RIC8B: variants seen among roughly 807,000 people sequenced by gnomAD.
RIC8B encodes chaperone Ric-8B.
A neutral mutation model predicts 57.5 loss-of-function variants in RIC8B; 16 were observed. The observed-to-expected ratio is 0.28, with a 90% CI of 0.19 to 0.42. The LOEUF (loss-of-function observed/expected upper bound fraction) is 0.42, where lower values mean the gene tolerates loss of function less well. Ranked by LOEUF, RIC8B falls within the 10% of genes least tolerant of loss-of-function variation. The pLI is 1.00. For synonymous variants in RIC8B, 216 were observed against 250.8 expected (o/e 0.86, Z 1.31); for missense variants, 481 against 677.0 (o/e 0.71, Z 3.21).
chr12:106,870,722 C>A, intron 8 of RIC8B, 101 bp from the exon 9 acceptor site: 1 of 895,228 alleles, frequency 1.1e-6, no homozygotes, highest in Non-Finnish European at 1.6e-6. Context: ...AATTTTTTGG[C>A]TATTATACTC....
At position 106,842,627 on chromosome 12, in the gene RIC8B, G is replaced by C; in HGVS notation, c.875G>C (p.Cys292Ser). ...CTTTTAAGCAATGTTCCAGTCTCTT[G>C]TTTGGATGTTCTCATTTGTCCGTTA... is the stretch of plus-strand genomic sequence containing the variant. ...VNLLSNVPVSCLDVLICPLTH... is the reference protein window; with the variant it reads ...VNLLSNVPVSSLDVLICPLTH... Residue 292 changes from cysteine (C) to serine (S), a missense_variant, in exon 5 of 10, where the codon TGT (cysteine) becomes TCT (serine). By Grantham distance (112) the Cys-to-Ser change is moderately radical. Transcript: ENST00000392837. 6.2e-7 allele frequency: 1 copy of C among 1,611,610 alleles called. No individual in the cohort carries two copies. The highest frequency in any genetic ancestry group is 1.7e-5 in the Admixed American group (1 of 59,960).
chr12:106,807,942 G>C (rs537835633), intron 2 of RIC8B, among the ~76,000 whole-genome samples: 1 of 152,104 alleles, frequency 6.6e-6, no homozygotes, highest in South Asian at 2.1e-4. Context: ...AAAATTAGTG[G>C]GGTGTGGTGG....
At chr12:106,877,559 C>G (rs894481970) in intron 9 of RIC8B, among the ~76,000 whole-genome samples, 1 of 152,054 alleles carries the variant, frequency 6.6e-6, no homozygotes, top group African/African-American at 2.4e-5. Context: ...CAAAACAAAG[C>G]AAAGCTTTTT....
At chr12:106,880,883 T>C (rs1408240248) in intron 9 of RIC8B, among the ~76,000 whole-genome samples, 1 of 152,132 alleles carries the variant, frequency 6.6e-6, no homozygotes, top group Non-Finnish European at 1.5e-5. Flanking sequence ...TCCTGTGGAA[T>C]GTTAATCCTG....
chr12:106,826,943 G>A (rs150410671), intron 4 of RIC8B, among the ~76,000 whole-genome samples: 1,771 of 152,124 alleles, frequency 0.012, 16 homozygotes, highest in Middle Eastern at 0.048. Context: ...ATGTGGTGGC[G>A]CACGCCTGTA....
At position 106,888,565 on chromosome 12, in the gene RIC8B, G is replaced by A. The variant is rs1461787064; in HGVS notation, c.*2550G>A. 2 of 152,660 alleles carry A rather than the reference G, an allele frequency of 1.3e-5. No individual in the cohort carries two copies. The highest frequency in any genetic ancestry group is 2.4e-5 in the African/African-American group (1 of 41,446). 9.5% of individuals were successfully genotyped at this position (152,660 alleles called of 1,614,324 possible). ...CTGTGCCTCCTTAGGGCTCTGAAAT[G>A]CTGGGAACAGAGTGGTGTGAGGAGG... On this transcript the variant is annotated 3_prime_UTR_variant, in exon 10 of 10. Coordinates refer to ENST00000392837, the MANE Select transcript of RIC8B (RefSeq NM_001330145.2).
chr12:106,816,589 T>C (rs1226675919), intron 3 of RIC8B, among the ~76,000 whole-genome samples: 3 of 152,234 alleles, frequency 2.0e-5, no homozygotes, highest in Non-Finnish European at 4.4e-5. Context: ...TTGGGGTTTT[T>C]AAGTTCTCCA....
intron 9 of RIC8B, chr12:106,873,263 A>G (rs1212116588): frequency 1.2e-6 from 1 of 803,552 alleles, no homozygotes; most frequent in East Asian, 1.3e-4. Context: ...AGTTGAAGCA[A>G]AAGGCAACCT....
At chr12:106,803,254 A>G (rs1208550189) in intron 2 of RIC8B, among the ~76,000 whole-genome samples, 4 of 142,026 alleles carry the variant, frequency 2.8e-5, no homozygotes, top group South Asian at 2.3e-4. Flanking sequence ...TTTCTTTTCC[A>G]TAATACATGG....
At position 106,778,021 on chromosome 12, in the gene RIC8B, A is replaced by G. The variant is rs80016607; in HGVS notation, c.84+3192A>G. 6.6e-3 allele frequency among the ~76,000 whole-genome samples: 1,001 copies of G among 152,296 alleles called. 12 individuals carry two copies. Among genetic ancestry groups the G allele is most frequent in the African/African-American group, 0.023 (970 of 41,550 alleles). ...CCAAATGGAGATAATAATAGTAACT[A>G]TATCATAGATTTGTTGTCAGGATTA... On this transcript the variant is annotated intron_variant, in intron 1 of 9. Transcript: ENST00000392837.
In RIC8B at chr12:106,840,003, C is replaced by T. The variant is rs2046798459; in HGVS notation, c.837-2586C>T. On this transcript the variant is annotated intron_variant, in intron 4 of 9. Coordinates refer to ENST00000392837, the MANE Select transcript of RIC8B (RefSeq NM_001330145.2). ...ACTGCACTCTGGCCTGGGCAAGAGA[C>T]TCTATCTCAAAAACAATTTTTTTTA... 3.3e-5 allele frequency among the ~76,000 whole-genome samples: 5 copies of T among 152,126 alleles called. No homozygotes were observed. The South Asian group carries it at 1.0e-3, about 32-fold the overall frequency.
intron 8 of RIC8B, among the ~76,000 whole-genome samples, chr12:106,862,636 T>C (rs1949990307): frequency 6.6e-6 from 1 of 152,156 alleles, no homozygotes; most frequent in African/African-American, 2.4e-5. Context: ...TCTGCTTTTC[T>C]TGTGATGCAT....
intron 8 of RIC8B, among the ~76,000 whole-genome samples, chr12:106,861,758 CTTGAT>C (rs1949945802): frequency 6.6e-6 from 1 of 151,914 alleles, no homozygotes; most frequent in Non-Finnish European, 1.5e-5. Flanking sequence ...ATTGATATCT[CTTGAT>C]TTGAGTCATT....
chr12:106,881,065 G>A (rs540470196), intron 9 of RIC8B, among the ~76,000 whole-genome samples: 3 of 152,146 alleles, frequency 2.0e-5, no homozygotes, highest in Non-Finnish European at 4.4e-5. Context: ...ACTTATTGAG[G>A]ATCTGCTATC....
intron 8 of RIC8B, among the ~76,000 whole-genome samples, chr12:106,870,487 C>A (rs1393240033): frequency 1.3e-5 from 2 of 151,620 alleles, no homozygotes; most frequent in African/African-American, 4.8e-5. Context: ...ATCATGTGTC[C>A]CCTTAGAATT....
chr12:106,850,521 C>CA (rs2136461374), intron 6 of RIC8B, among the ~76,000 whole-genome samples: 1 of 152,216 alleles, frequency 6.6e-6, no homozygotes, highest in African/African-American at 2.4e-5. Context: ...AACAGACAAA[C>CA]TAAGAAAGTT....
intron 2 of RIC8B, among the ~76,000 whole-genome samples, chr12:106,810,351 C>T (rs1432250881): frequency 2.0e-5 from 3 of 150,986 alleles, no homozygotes; most frequent in Admixed American, 6.6e-5. Flanking sequence ...TATTAAACTC[C>T]GGTCTTTGAT....
intron 7 of RIC8B, among the ~76,000 whole-genome samples, chr12:106,853,610 A>T (rs1318478378): frequency 6.6e-6 from 1 of 151,646 alleles, no homozygotes; most frequent in Admixed American, 6.6e-5. Context: ...CTGGGACTAC[A>T]GGCACATGCC....
Position 106,887,626 on chromosome 12 carries a change from C to T in RIC8B, c.*1611C>T, listed in dbSNP as rs1951235444. On this transcript the variant is annotated 3_prime_UTR_variant, in exon 10 of 10. Coordinates refer to ENST00000392837, the MANE Select transcript of RIC8B (RefSeq NM_001330145.2). ...GCTTCCAACATGTTTTATTAGCTGG[C>T]TTTGAAGCTCACAAAAGAATGGCAA... The T allele has an allele frequency of 6.6e-6, 1 of 152,140 alleles. No homozygotes were observed. Among genetic ancestry groups the T allele is most frequent in the South Asian group, 2.1e-4 (1 of 4,830 alleles). 9.4% of individuals were successfully genotyped at this position (152,140 alleles called of 1,614,324 possible). A position where few individuals can be genotyped will look rare whatever the true frequency, so the allele number is the denominator to read the frequency against.
Sources: gnomAD v4.1 joint callset for allele counts (sites outside exome capture counted in the v4.1 genomes callset) on GRCh38, gnomAD v4.1.1 for gene constraint, MANE v1.5 for transcripts, NCBI Gene and HGNC (gene_info 2026-07-23, HGNC 2026-07-21) for gene names.